The following ZFP28 variants were observed in gnomAD, a reference collection of about 807,000 sequenced individuals.
The protein encoded by ZFP28 is zinc finger protein 28 homolog.
In ZFP28, 31 loss-of-function variants were observed where a neutral mutation model predicts 39.5. That is an observed-to-expected ratio of 0.79 (90% CI 0.59 to 1.06). The LOEUF (loss-of-function observed/expected upper bound fraction) is 1.06. Among genes scored for constraint, ZFP28 ranks in the 50% least tolerant of loss-of-function variants. The pLI is 0.00. For synonymous variants in ZFP28, 400 were observed against 378.6 expected (o/e 1.06, Z -0.66); for missense variants, 925 against 1,048.4 (o/e 0.88, Z 1.63).
Position 56,539,145 on chromosome 19 carries a change from GC to G in ZFP28, c.130del (p.Arg44GlyfsTer60). On this transcript the variant is annotated frameshift_variant, in exon 1 of 8. Coordinates refer to ENST00000301318, the MANE Select transcript of ZFP28 (RefSeq NM_020828.2). LOFTEE classifies it high-confidence loss of function. Reference protein sequence around the residue: ...VGTPATLALPARGRPRSRNGL... With the variant: ...VGTPATLALPXRGRPRSRNGL... ...GACTCCAGCCACCTTGGCCCTCCCT[GC>G]CCGGGGAAGGCCGCGCTCAAGGAAT... 1 of 1,594,992 alleles carries G rather than the reference GC, an allele frequency of 6.3e-7. No individual in the cohort carries two copies. Among genetic ancestry groups the G allele is most frequent in the Non-Finnish European group, 8.5e-7 (1 of 1,174,914 alleles).
At chr19:56,550,910 T>G (rs1044263395) in intron 7 of ZFP28, 2 of 1,428,908 alleles carry the variant, frequency 1.4e-6, no homozygotes, top group East Asian at 5.0e-5. Flanking sequence ...TTCCAAAGGT[T>G]TTCTCTTCTG....
intron 5 of ZFP28, 83 bp downstream of exon 5, chr19:56,549,204 C>T (rs2074941): frequency 0.47 from 692,975 of 1,465,948 alleles, 168,275 homozygotes; most frequent in African/African-American, 0.72. Flanking sequence ...ATGACTACAA[C>T]AACTATAAGA....
Position 56,547,917 on chromosome 19 carries a change from A to C in ZFP28, c.523+15A>C. ...CTGGTGCCCAGGTGAGTGTGGGAGA[A>C]CCAGGTAGGGTGAGGCCACTGCTGG... On this transcript the variant is annotated intron_variant, in intron 4 of 7. Transcript: ENST00000301318. This position sits in a 1 kb window ranked among gnomAD's most constrained non-coding sequence, Gnocchi z 4.6. The C allele has an allele frequency of 6.2e-7, 1 of 1,613,938 alleles. No homozygotes were observed. The highest frequency in any genetic ancestry group is 1.1e-5 in the South Asian group (1 of 91,060).
In ZFP28 at chr19:56,550,136, T is replaced by A; in HGVS notation, c.757T>A (p.Cys253Ser). ...QQLHPAQKNF[C>S]KNGIWENNSD... The stretch of plus-strand genomic sequence containing the variant: ...GCTACACCCAGCTCAGAAGAATTTC[T>A]GTAAGAATGGGATATGGGAGAACAA... Residue 253 changes from cysteine (C) to serine (S), a missense_variant, in exon 6 of 8, where the codon TGT becomes AGT. By Grantham distance (112) the Cys-to-Ser change is moderately radical. This residue lies in a region of ZFP28 where 556 missense variants were observed against 542.9 expected (regional missense o/e 1.02). Transcript: ENST00000301318. 1 of 1,613,136 alleles carries A rather than the reference T, an allele frequency of 6.2e-7. No individual in the cohort carries two copies. Among genetic ancestry groups the A allele is most frequent in the Non-Finnish European group, 8.5e-7 (1 of 1,179,716 alleles).
intron 7 of ZFP28, chr19:56,551,310 G>A (rs1441593756): frequency 1.0e-6 from 1 of 986,542 alleles, no homozygotes; most frequent in Non-Finnish European, 1.2e-6. Context: ...AAATGTAATT[G>A]TTTACTGTTT....
intron 5 of ZFP28, among the ~76,000 whole-genome samples, chr19:56,549,342 T>C (rs2044272657): frequency 6.6e-6 from 1 of 152,206 alleles, no homozygotes; most frequent in African/African-American, 2.4e-5. Context: ...CAAACAAATC[T>C]GTCAAGGTCA....
chr19:56,550,102 C>T lies in ZFP28; in HGVS notation c.723C>T (p.Phe241=), dbSNP rs780842223. ...LVTIKNLAVD[F]RQQLHPAQKN... ...CTATCAAAAACCTGGCTGTTGACTTCCGCCAGCAGCTACACCCAGCTCAGA... is the reference window on the plus strand; with the variant it reads ...CTATCAAAAACCTGGCTGTTGACTTTCGCCAGCAGCTACACCCAGCTCAGA... Residue 241 remains phenylalanine (F), a synonymous_variant, in exon 6 of 8, where the codon TTC becomes TTT. Coordinates refer to ENST00000301318, the MANE Select transcript of ZFP28 (RefSeq NM_020828.2). 13 of 1,612,894 alleles carry T rather than the reference C, an allele frequency of 8.1e-6. No individual in the cohort carries two copies. The Admixed American group carries it at 1.7e-4, about 21-fold the overall frequency.
At chr19:56,550,991 T>G (rs2147961127) in intron 7 of ZFP28, 1 of 1,333,022 alleles carries the variant, frequency 7.5e-7, no homozygotes, top group African/African-American at 1.5e-5. Context: ...GTTATGGGAT[T>G]GAGCCACTCT....
Position 56,539,075 on chromosome 19 carries a change from C to T in ZFP28, c.57C>T (p.Gly19=). ...VREPTPLPGR[G]APRTKPRAGR... is the part of the protein sequence containing the mutation. ...AGCCGACGCCGCTCCCGGGTAGAGG[C>T]GCCCCCCGCACAAAGCCCCGGGCGG... Residue 19 remains glycine (G), a synonymous_variant, in exon 1 of 8, where the codon GGC becomes GGT. Transcript: ENST00000301318. The T allele has an allele frequency of 6.6e-7, 1 of 1,526,478 alleles. No individual in the cohort carries two copies. Among genetic ancestry groups the T allele is most frequent in the Non-Finnish European group, 8.8e-7 (1 of 1,141,618 alleles). The allele number at this position is 1,526,478 out of a possible 1,614,324, so 94.6% of individuals were successfully genotyped here. A position where few individuals can be genotyped will look rare whatever the true frequency, so the allele number is the denominator to read the frequency against.
At position 56,547,939 on chromosome 19, in the gene ZFP28, C is replaced by T. The variant is rs368758533; in HGVS notation, c.523+37C>T. ...AGAACCAGGTAGGGTGAGGCCACTGCTGGTCATAGTTCAGCTGACTCAGAC... is the reference window on the plus strand; with the variant it reads ...AGAACCAGGTAGGGTGAGGCCACTGTTGGTCATAGTTCAGCTGACTCAGAC... On this transcript the variant is annotated intron_variant, in intron 4 of 7. Transcript: ENST00000301318. The surrounding 1 kb of genome is among the most constrained non-coding windows in gnomAD (Gnocchi z 4.6). The T allele has an allele frequency of 8.5e-5, 137 of 1,604,738 alleles. 1 individual carries two copies. In the Admixed American group the frequency reaches 1.1e-3, roughly 12 times the overall value.
chr19:56,539,265 C>G, intron 1 of ZFP28, 39 bp downstream of exon 1: 1 of 1,545,752 alleles, frequency 6.5e-7, no homozygotes, highest in South Asian at 1.2e-5. Flanking sequence ...CGGACAGGGA[C>G]GAATTCATCT....
intron 6 of ZFP28, 132 bp from the exon 7 acceptor site, chr19:56,550,378 T>G: frequency 1.1e-6 from 1 of 896,406 alleles, no homozygotes; most frequent in Non-Finnish European, 1.7e-6. Context: ...TATCTTCTTG[T>G]GTCTTTCAGA....
At chr19:56,538,155 G>A (rs561480201), upstream of ZFP28, 112 of 152,434 alleles carry the variant, frequency 7.3e-4, no homozygotes, top group African/African-American at 2.5e-3. Flanking sequence ...TGGAGGATGG[G>A]AGGCCCGTGT....
At chr19:56,550,256 G>A (rs1048103926) in intron 6 of ZFP28, 75 bp downstream of exon 6, 51 of 1,384,248 alleles carry the variant, frequency 3.7e-5, no homozygotes, top group Non-Finnish European at 4.8e-5. Flanking sequence ...TTGAATTATG[G>A]AGGAGGGAGG....
chr19:56,555,215 G>C lies in ZFP28; in HGVS notation c.2430G>C (p.Glu810Asp). Residue 810 changes from glutamate to aspartate, a missense_variant, in exon 8 of 8, where the codon GAG becomes GAC. Coordinates refer to ENST00000301318, the MANE Select transcript of ZFP28 (RefSeq NM_020828.2). ...AACATAAGAGAGTTCATACTGGAGA[G>C]AGATCTTATAACTATAAGAAAAGCA... ...LNQHKRVHTG[E>D]RSYNYKKSRK... is the part of the protein sequence containing the mutation. 6.2e-7 allele frequency: 1 copy of C among 1,614,170 alleles called. No homozygotes were observed. Among genetic ancestry groups the C allele is most frequent in the Non-Finnish European group, 8.5e-7 (1 of 1,180,034 alleles).
chr19:56,553,657 AAT>A, intron 7 of ZFP28, 25 bp from the exon 8 acceptor site: 1 of 1,535,870 alleles, frequency 6.5e-7, no homozygotes, highest in Non-Finnish European at 8.7e-7. Flanking sequence ...CGAAAAAGGA[AAT>A]ATGTGTTTTC....
chr19:56,551,565 G>T (rs1457331869), intron 7 of ZFP28: 4 of 984,882 alleles, frequency 4.1e-6, no homozygotes, highest in South Asian at 9.4e-5. Context: ...CACATTTTGG[G>T]GATTGCTGTA....
chr19:56,554,186 G>A lies in ZFP28; in HGVS notation c.1401G>A (p.Gln467=). ...ACGGCTCATCCTTTGCCCGACACCA[G>A]AGATGTCACACTGGCAAGAAGCCCT... is the stretch of plus-strand genomic sequence containing the variant. ...FSDGSSFARH[Q]RCHTGKKPYE... is the part of the protein sequence containing the mutation. Residue 467 remains glutamine, a synonymous_variant, in exon 8 of 8, where the codon CAG becomes CAA. Transcript: ENST00000301318. This position sits in a 1 kb window ranked among gnomAD's most constrained non-coding sequence, Gnocchi z 6.7. The A allele has an allele frequency of 6.2e-7, 1 of 1,614,122 alleles. No individual in the cohort carries two copies. Among genetic ancestry groups the A allele is most frequent in the Non-Finnish European group, 8.5e-7 (1 of 1,180,010 alleles).
rs1372188229 is a variant in ZFP28 at position 56,555,951 on chromosome 19, G to C, written c.*559G>C. 2 of 152,200 alleles carry C rather than the reference G, an allele frequency of 1.3e-5. No individual in the cohort carries two copies. The highest frequency in any genetic ancestry group is 2.9e-5 in the Non-Finnish European group (2 of 68,044). 9.4% of individuals were successfully genotyped at this position (152,200 alleles called of 1,614,324 possible). Reference sequence around the variant, plus strand: ...AATGAATTTAAAAAATCAGAAAAATGCAAGATTTATATGCATGAAGTTAAA... The same window carrying C: ...AATGAATTTAAAAAATCAGAAAAATCCAAGATTTATATGCATGAAGTTAAA... On this transcript the variant is annotated 3_prime_UTR_variant, in exon 8 of 8. Transcript: ENST00000301318.
Sources: gnomAD v4.1 joint callset for allele counts (sites outside exome capture counted in the v4.1 genomes callset) on GRCh38, gnomAD v4.1.1 for gene constraint, gnomAD v4.1.1 regional missense constraint, Gnocchi (gnomAD v3.1) non-coding constraint, MANE v1.5 for transcripts, NCBI Gene and HGNC (gene_info 2026-07-23, HGNC 2026-07-21) for gene names.